ARFGEF3: variants seen among roughly 807,000 people sequenced by gnomAD.
ARFGEF3 encodes ARFGEF family member 3.
ARFGEF3 carries 96 observed loss-of-function variants against 221.7 expected under a neutral mutation model. The ratio of observed to expected loss-of-function variants is 0.43; its 90% CI spans 0.37 to 0.51. The LOEUF (loss-of-function observed/expected upper bound fraction) is 0.51. ARFGEF3 is among the 20% of genes least tolerant of loss of function. ARFGEF3 has a pLI of 0.00. For synonymous variants in ARFGEF3, 1,145 were observed against 1,126.8 expected, an observed-to-expected ratio of 1.02 and a Z score of -0.32; for missense variants, 2,410 against 2,789.9, an observed-to-expected ratio of 0.86 and a Z score of 3.07.
chr6:138,265,508 T>C (rs900107905), intron 12 of ARFGEF3, among the ~76,000 whole-genome samples: 3 of 152,188 alleles, frequency 2.0e-5, no homozygotes, highest in African/African-American at 7.2e-5. Context: ...ACTAGGAAAA[T>C]GTATACTCTT....
intron 12 of ARFGEF3, among the ~76,000 whole-genome samples, chr6:138,276,562 CTCTT>C (rs1779100781): frequency 6.6e-6 from 1 of 151,220 alleles, no homozygotes. Flanking sequence ...TTTTTTGAAA[CTCTT>C]TATTTCCTCA....
chr6:138,202,070 T>C (rs1377832772), intron 2 of ARFGEF3, among the ~76,000 whole-genome samples: 2 of 152,228 alleles, frequency 1.3e-5, no homozygotes, highest in Non-Finnish European at 2.9e-5. Flanking sequence ...CTAATTATTC[T>C]TCTTTAAGAA....
rs374542862 is a variant in ARFGEF3, at chr6:138,245,076, TG to T, written c.587-435del. On this transcript the variant is annotated intron_variant, in intron 7 of 33. Coordinates refer to ENST00000251691, the MANE Select transcript of ARFGEF3 (RefSeq NM_020340.5). ...CAACACTTTGGGAGGCCGAGGTGGG[TG>T]GATCACCTGAGGTCAGGAGTTCAAG... Among the ~76,000 whole-genome samples the T allele has an allele frequency of 1.5e-3, 222 of 152,198 alleles. 1 individual carries two copies. The highest frequency in any genetic ancestry group is 5.0e-3 in the African/African-American group (209 of 41,554).
At chr6:138,234,641 T>A (rs374365280) in intron 5 of ARFGEF3, among the ~76,000 whole-genome samples, 2 of 152,282 alleles carry the variant, frequency 1.3e-5, no homozygotes, top group East Asian at 3.9e-4. Flanking sequence ...AACTTAGACT[T>A]ACAGTGAGAG....
In ARFGEF3 at chr6:138,259,069, G is replaced by C. The variant is rs1035842940; in HGVS notation, c.1105-2458G>C. Among the ~76,000 whole-genome samples, 3 of 152,196 alleles carry C rather than the reference G, an allele frequency of 2.0e-5. No homozygotes were observed. The South Asian group carries it at 6.2e-4, about 32-fold the overall frequency. ...TAGCACCCAAGTAGCACGTCCAGGC[G>C]GTGCTGCCCCAAGGAGCTCAGCAGA... On this transcript the variant is annotated intron_variant, in intron 10 of 33. Transcript: ENST00000251691.
At chr6:138,288,073 G>T (rs1779328826) in intron 17 of ARFGEF3, among the ~76,000 whole-genome samples, 1 of 151,914 alleles carries the variant, frequency 6.6e-6, no homozygotes, top group Admixed American at 6.6e-5. Flanking sequence ...ACGATATTCA[G>T]ATTAAAAACA....
intron 2 of ARFGEF3, among the ~76,000 whole-genome samples, chr6:138,190,610 T>G (rs1370938595): frequency 2.6e-5 from 4 of 152,118 alleles, no homozygotes; most frequent in Admixed American, 6.5e-5. Context: ...AAAAAGTCAA[T>G]AAAAGAGTGA....
At chr6:138,320,593 G>T (rs754448964) in intron 28 of ARFGEF3, among the ~76,000 whole-genome samples, 5 of 152,200 alleles carry the variant, frequency 3.3e-5, no homozygotes, top group Non-Finnish European at 7.4e-5. Context: ...TTCCCTTGCT[G>T]GAGAGGACAG....
chr6:138,305,398 C>T (rs1470413199), intron 22 of ARFGEF3, among the ~76,000 whole-genome samples: 2 of 151,642 alleles, frequency 1.3e-5, no homozygotes, highest in African/African-American at 4.9e-5. Flanking sequence ...TCTAGGAGTT[C>T]GAGACCATGC....
chr6:138,229,179 T>C (rs1163912067), intron 4 of ARFGEF3, among the ~76,000 whole-genome samples: 3 of 152,230 alleles, frequency 2.0e-5, no homozygotes, highest in Non-Finnish European at 4.4e-5. Flanking sequence ...GAATTTCTAA[T>C]TCCGTGTGGA....
At chr6:138,170,439 CTT>C (rs1395940141) in intron 1 of ARFGEF3, among the ~76,000 whole-genome samples, 1 of 152,142 alleles carries the variant, frequency 6.6e-6, no homozygotes, top group African/African-American at 2.4e-5. Context: ...TGTGCCCTAA[CTT>C]TTAACTTTCC....
chr6:138,297,138 C>T (rs1329221557), intron 21 of ARFGEF3, among the ~76,000 whole-genome samples, 183 bp downstream of exon 21: 1 of 152,218 alleles, frequency 6.6e-6, no homozygotes, highest in African/African-American at 2.4e-5. Context: ...TCTAAAGAAT[C>T]ACCCCAAAGG....
chr6:138,255,978 T>C (rs1778671998), intron 10 of ARFGEF3, among the ~76,000 whole-genome samples: 1 of 152,210 alleles, frequency 6.6e-6, no homozygotes, highest in Non-Finnish European at 1.5e-5. Flanking sequence ...TGCCCACTGA[T>C]GCAAAACCGT....
intron 12 of ARFGEF3, among the ~76,000 whole-genome samples, chr6:138,268,171 T>C (rs1021378873): frequency 6.6e-6 from 1 of 152,130 alleles, no homozygotes; most frequent in African/African-American, 2.4e-5. Flanking sequence ...ACTTCCATGA[T>C]TAAAAATTAA....
intron 8 of ARFGEF3, among the ~76,000 whole-genome samples, chr6:138,251,390 TTAAC>T (rs1778580164): frequency 6.6e-6 from 1 of 152,216 alleles, no homozygotes; most frequent in South Asian, 2.1e-4. Context: ...GTCAGAATGA[TTAAC>T]TGAGACTACA....
At chr6:138,249,328 GTTATTA>G (rs1350598025) in intron 8 of ARFGEF3, among the ~76,000 whole-genome samples, 3 of 152,068 alleles carry the variant, frequency 2.0e-5, no homozygotes, top group African/African-American at 7.2e-5. Context: ...TTTTTGTTTT[GTTATTA>G]TTATTTTTAT....
intron 1 of ARFGEF3, among the ~76,000 whole-genome samples, chr6:138,169,964 G>A (rs925824287): frequency 2.6e-5 from 4 of 152,138 alleles, no homozygotes; most frequent in African/African-American, 9.7e-5. Flanking sequence ...TGAAGAAAGG[G>A]GTCAACACAA....
intron 12 of ARFGEF3, among the ~76,000 whole-genome samples, chr6:138,265,170 T>C (rs1448319723): frequency 6.6e-6 from 1 of 152,198 alleles, no homozygotes; most frequent in Non-Finnish European, 1.5e-5. Flanking sequence ...CCCAAAGTGC[T>C]GGGATTACAG....
intron 8 of ARFGEF3, among the ~76,000 whole-genome samples, chr6:138,251,712 C>T (rs1251001905): frequency 6.6e-6 from 1 of 151,958 alleles, no homozygotes; most frequent in Non-Finnish European, 1.5e-5. Flanking sequence ...TTTGTCACAC[C>T]TTTTCCTCTG....
Sources: gnomAD v4.1 joint callset for allele counts (sites outside exome capture counted in the v4.1 genomes callset) on GRCh38, gnomAD v4.1.1 for gene constraint, MANE v1.5 for transcripts, NCBI Gene and HGNC (gene_info 2026-07-23, HGNC 2026-07-21) for gene names.